The following PGCKA1 variants were observed in gnomAD, a reference collection of about 807,000 sequenced individuals.
The protein encoded by PGCKA1 is PDCD10 and GCKIII kinases associated 1.
At chr4:37,542,357 G>C in the PGCKA1 span, among the ~76,000 whole-genome samples, 1 of 152,078 alleles carries the variant, frequency 6.6e-6, no homozygotes, top group African/African-American at 2.4e-5. Flanking sequence ...CTAGTTCAGG[G>C]GTGGCTCCAC....
chr4:37,582,847 T>G, the PGCKA1 span, among the ~76,000 whole-genome samples: 3 of 122,228 alleles, frequency 2.5e-5, no homozygotes, highest in Non-Finnish European at 4.5e-5. Flanking sequence ...AGACTAAATA[T>G]CCTGTCCTCC....
the PGCKA1 span, among the ~76,000 whole-genome samples, chr4:37,527,849 ATG>A: frequency 1.5e-4 from 23 of 151,630 alleles, 4 homozygotes; most frequent in East Asian, 1.9e-3. Flanking sequence ...AAATACTTTT[ATG>A]TTACAATTGC....
chr4:37,515,513 T>C, the PGCKA1 span, among the ~76,000 whole-genome samples: 1 of 152,146 alleles, frequency 6.6e-6, no homozygotes, highest in Non-Finnish European at 1.5e-5. Flanking sequence ...TCATAGAAAA[T>C]ATAATTTGCC....
At chr4:37,570,115 G>T in the PGCKA1 span, among the ~76,000 whole-genome samples, 1 of 145,094 alleles carries the variant, frequency 6.9e-6, no homozygotes, top group Non-Finnish European at 1.5e-5. Flanking sequence ...GAGTAGCTGG[G>T]ACTACAGGCG....
the PGCKA1 span, among the ~76,000 whole-genome samples, chr4:37,519,948 T>A: frequency 6.6e-6 from 1 of 152,160 alleles, no homozygotes; most frequent in Admixed American, 6.5e-5. Context: ...ACCCCCAGTA[T>A]TTTTAGGGAT....
At chr4:37,501,513 AACAGTCCTTTGTGCC>A in the PGCKA1 span, among the ~76,000 whole-genome samples, 16 of 152,192 alleles carry the variant, frequency 1.1e-4, no homozygotes, top group Non-Finnish European at 4.4e-5. Context: ...CTTCCACAAA[AACAGTCCTTTGTGCC>A]AAAAAGGTTG....
the PGCKA1 span, among the ~76,000 whole-genome samples, chr4:37,549,041 A>G: frequency 7.4e-6 from 1 of 135,824 alleles, no homozygotes; most frequent in African/African-American, 2.9e-5. Flanking sequence ...TCTCTCTGCT[A>G]TATCCCGGAG....
the PGCKA1 span, among the ~76,000 whole-genome samples, chr4:37,582,777 G>A: frequency 0.12 from 17,646 of 151,990 alleles, 2,766 homozygotes; most frequent in African/African-American, 0.35. Flanking sequence ...GCTGTATGCC[G>A]GGTTTCTCCA....
the PGCKA1 span, among the ~76,000 whole-genome samples, chr4:37,530,760 T>C: frequency 1.3e-5 from 2 of 151,810 alleles, no homozygotes; most frequent in Non-Finnish European, 2.9e-5. Flanking sequence ...GCGGTTCACT[T>C]GAGGTCAGGA....
the PGCKA1 span, among the ~76,000 whole-genome samples, chr4:37,538,362 G>C: frequency 6.6e-6 from 1 of 152,204 alleles, no homozygotes; most frequent in African/African-American, 2.4e-5. Context: ...AATTGAGACA[G>C]AATAAGGACT....
the PGCKA1 span, among the ~76,000 whole-genome samples, chr4:37,572,060 T>C: frequency 5.1e-5 from 6 of 118,686 alleles, no homozygotes; most frequent in African/African-American, 1.9e-4. Flanking sequence ...TTTTTTTTTT[T>C]TTCTTTTTTT....
the PGCKA1 span, among the ~76,000 whole-genome samples, chr4:37,583,153 A>G: frequency 6.6e-6 from 1 of 152,296 alleles, no homozygotes; most frequent in South Asian, 2.1e-4. Flanking sequence ...TGGCCAGTAA[A>G]ACTTCTACAA....
chr4:37,580,634 C>T, the PGCKA1 span, among the ~76,000 whole-genome samples: 3 of 152,322 alleles, frequency 2.0e-5, no homozygotes, highest in East Asian at 1.9e-4. Flanking sequence ...TACTGAGCCA[C>T]CTGAAGCTGG....
the PGCKA1 span, among the ~76,000 whole-genome samples, chr4:37,575,744 T>A: frequency 1.3e-5 from 2 of 152,124 alleles, no homozygotes; most frequent in Non-Finnish European, 2.9e-5. Flanking sequence ...CTTAGATTTA[T>A]GTCTTTAATC....
chr4:37,557,724 G>A, the PGCKA1 span, among the ~76,000 whole-genome samples: 1 of 152,188 alleles, frequency 6.6e-6, no homozygotes, highest in African/African-American at 2.4e-5. Flanking sequence ...CATTTCCAGT[G>A]TGTGATCAAC....
the PGCKA1 span, among the ~76,000 whole-genome samples, chr4:37,576,673 G>C: frequency 6.6e-6 from 1 of 152,022 alleles, no homozygotes; most frequent in South Asian, 2.1e-4. Flanking sequence ...TAGAGAAAAG[G>C]CTTTCAGTTT....
At chr4:37,541,154 C>T in the PGCKA1 span, among the ~76,000 whole-genome samples, 1 of 152,232 alleles carries the variant, frequency 6.6e-6, no homozygotes, top group Non-Finnish European at 1.5e-5. Flanking sequence ...CAGAGTCAGG[C>T]ATTTGGCATG....
At chr4:37,520,484 G>T in the PGCKA1 span, among the ~76,000 whole-genome samples, 1 of 152,038 alleles carries the variant, frequency 6.6e-6, no homozygotes, top group Admixed American at 6.6e-5. Flanking sequence ...TTCACTCTTG[G>T]TAGATTGTAT....
At chr4:37,527,456 G>A in the PGCKA1 span, among the ~76,000 whole-genome samples, 1 of 152,084 alleles carries the variant, frequency 6.6e-6, no homozygotes, top group Non-Finnish European at 1.5e-5. Context: ...GCCCTATCTA[G>A]GTGAACCATC....
Sources: gnomAD v4.1 joint callset for allele counts (sites outside exome capture counted in the v4.1 genomes callset) on GRCh38, gnomAD v4.1.1 for gene constraint, MANE v1.5 for transcripts, NCBI Gene and HGNC (gene_info 2026-07-23, HGNC 2026-07-21) for gene names.